The following TRIM34 variants were observed in gnomAD, a reference collection of about 807,000 sequenced individuals.
TRIM34 encodes the protein E3 ubiquitin-protein ligase TRIM34.
Under a neutral mutation model 38.1 loss-of-function variants are expected in TRIM34, and 41 were observed. That is an observed-to-expected ratio of 1.08 (90% confidence interval 0.84 to 1.40). TRIM34 has a LOEUF of 1.40. Among genes scored for constraint, TRIM34 ranks in the 40% most tolerant of loss-of-function variants. TRIM34 has a pLI of 0.00. For missense variants in TRIM34, 556 were observed against 571.4 expected (o/e 0.97, Z 0.27); for synonymous variants, 200 against 202.5 (o/e 0.99, Z 0.10).
chr11:5,623,105 CTTTTTTTT>C (rs11301714), upstream of TRIM34, among the ~76,000 whole-genome samples: 219 of 106,860 alleles, frequency 2.0e-3, 1 homozygote, highest in Middle Eastern at 5.0e-3. Flanking sequence ...CTGTCTGGAG[CTTTTTTTT>C]TTTTTTTTTT....
At chr11:5,636,304 A>T (rs1383342603) in intron 4 of TRIM34, among the ~76,000 whole-genome samples, 1 of 152,208 alleles carries the variant, frequency 6.6e-6, no homozygotes, top group East Asian at 1.9e-4. Context: ...ATTTATATGA[A>T]AGTCTGTAAG....
At chr11:5,627,765 G>T (rs1452236995) in intron 1 of TRIM34, among the ~76,000 whole-genome samples, 1 of 152,150 alleles carries the variant, frequency 6.6e-6, no homozygotes, top group Non-Finnish European at 1.5e-5. Context: ...GTCAAAACAG[G>T]CTCTACTTTC....
upstream of TRIM34, among the ~76,000 whole-genome samples, chr11:5,622,586 C>G (rs898270962): frequency 2.6e-5 from 4 of 152,100 alleles, no homozygotes; most frequent in African/African-American, 9.7e-5. Flanking sequence ...CCATTGCACT[C>G]CAGTCTGGGC....
Position 5,627,067 on chromosome 11 carries a change from A to G in TRIM34, c.-78+2007A>G, listed in dbSNP as rs569769193. ...TCTGTCTACTGATGTAAGAACAGAG[A>G]TGAGAGCAGAGTGAAGAAGGACAGT... is the stretch of plus-strand genomic sequence containing the variant. On this transcript the variant is annotated intron_variant, in intron 1 of 7. Coordinates refer to ENST00000429814, the MANE Select transcript of TRIM34 (RefSeq NM_021616.6). 2.0e-5 allele frequency among the ~76,000 whole-genome samples: 3 copies of G among 152,190 alleles called. No individual in the cohort carries two copies. The South Asian group carries it at 6.2e-4, about 32-fold the overall frequency.
chr11:5,643,395 C>CA lies in TRIM34; in HGVS notation c.1157dup (p.Asn386LysfsTer20). The CA allele has an allele frequency of 6.2e-7, 1 of 1,614,074 alleles. No homozygotes were observed. Among genetic ancestry groups the CA allele is most frequent in the Non-Finnish European group, 8.5e-7 (1 of 1,180,000 alleles). On this transcript the variant is annotated frameshift_variant, in exon 8 of 8. Transcript: ENST00000429814. LOFTEE classifies it low-confidence loss of function (END_TRUNC). ...TGTTGTTAGAAGATGTGCAAATCGT[C>CA]AAAATCTTTACACCAAATACAGACC...
intron 1 of TRIM34, among the ~76,000 whole-genome samples, chr11:5,632,011 A>C (rs1484980369): frequency 6.6e-6 from 1 of 152,198 alleles, no homozygotes; most frequent in East Asian, 1.9e-4. Context: ...GAGAAAGTTG[A>C]AAAAAGTATA....
Position 5,640,863 on chromosome 11 carries a change from A to G in TRIM34, c.751-304A>G, listed in dbSNP as rs192114685. 1.8e-3 allele frequency among the ~76,000 whole-genome samples: 270 copies of G among 152,200 alleles called. 1 individual carries two copies. Among genetic ancestry groups the G allele is most frequent in the African/African-American group, 6.3e-3 (263 of 41,534 alleles). On this transcript the variant is annotated intron_variant, in intron 4 of 7. Transcript: ENST00000429814. The stretch of plus-strand genomic sequence containing the variant: ...ATTCATATTTTCTATGCGTTCTTTA[A>G]TGTGTATTGATAGTTTCTGTATTTC...
At position 5,632,790 on chromosome 11, in the gene TRIM34, T is replaced by TG. The variant is rs1460780367; in HGVS notation, c.423+38dup. The TG allele has an allele frequency of 3.3e-6, 5 of 1,509,464 alleles. No homozygotes were observed. In the South Asian group the frequency reaches 6.7e-5, roughly 20 times the overall value. The allele number at this position is 1,509,464 out of a possible 1,614,324, so 93.5% of individuals were successfully genotyped here. A position where few individuals can be genotyped will look rare whatever the true frequency, so the allele number is the denominator to read the frequency against. Reference sequence around the variant, plus strand: ...AGATGGAGGGAGATGGGGCAGAAGATGGTAGTTGGTGGAAAATCTCACCTT... The same window carrying TG: ...AGATGGAGGGAGATGGGGCAGAAGATGGGTAGTTGGTGGAAAATCTCACCTT... On this transcript the variant is annotated intron_variant, in intron 2 of 7. Coordinates refer to ENST00000429814, the MANE Select transcript of TRIM34 (RefSeq NM_021616.6).
upstream of TRIM34, among the ~76,000 whole-genome samples, chr11:5,620,479 G>A (rs1382669975): frequency 1.4e-4 from 22 of 152,144 alleles, no homozygotes; most frequent in Admixed American, 1.3e-3. Context: ...GGGATTACAG[G>A]AGTGAGCCAC....
At chr11:5,635,873 A>T (rs982900116) in intron 4 of TRIM34, among the ~76,000 whole-genome samples, 1 of 152,230 alleles carries the variant, frequency 6.6e-6, no homozygotes, top group African/African-American at 2.4e-5. Context: ...TAATAAAAAA[A>T]GATGGACAAT....
At chr11:5,626,324 A>G (rs1242388629) in intron 1 of TRIM34, among the ~76,000 whole-genome samples, 1 of 152,264 alleles carries the variant, frequency 6.6e-6, no homozygotes, top group Non-Finnish European at 1.5e-5. Flanking sequence ...GATGAATGTT[A>G]GAGTACACAA....
Position 5,632,186 on chromosome 11 carries a change from T to TGA in TRIM34, c.-77-69_-77-68insGA, listed in dbSNP as rs1849508546. 4.1e-5 allele frequency: 62 copies of TGA among 1,516,618 alleles called. 1 individual carries two copies. The South Asian group carries it at 7.8e-4, about 19-fold the overall frequency. The allele number at this position is 1,516,618 out of a possible 1,614,324, so 93.9% of individuals were successfully genotyped here. A position where few individuals can be genotyped will look rare whatever the true frequency, so the allele number is the denominator to read the frequency against. On this transcript the variant is annotated intron_variant, in intron 1 of 7. Coordinates refer to ENST00000429814, the MANE Select transcript of TRIM34 (RefSeq NM_021616.6). ...TGATATTGCAGTCTCGGCCAGTCTT[T>TGA]ATTGTCTGTGCAATTAGAATGCTTT...
At position 5,644,035 on chromosome 11, in the gene TRIM34, C is replaced by G. The variant is rs1051193509; in HGVS notation, c.*326C>G. ...GCCTGTTAGCCACCATCCATGCTAC[C>G]TAGGTAGTCCATAGGAACCACCCCC... On this transcript the variant is annotated 3_prime_UTR_variant, in exon 8 of 8. Coordinates refer to ENST00000429814, the MANE Select transcript of TRIM34 (RefSeq NM_021616.6). 2 of 437,784 alleles carry G rather than the reference C, an allele frequency of 4.6e-6. No individual in the cohort carries two copies. The highest frequency in any genetic ancestry group is 7.9e-6 in the Non-Finnish European group (2 of 252,192). The allele number at this position is 437,784 out of a possible 1,614,324, so 27.1% of individuals were successfully genotyped here.
intron 1 of TRIM34, among the ~76,000 whole-genome samples, chr11:5,625,594 T>G (rs2133905703): frequency 6.6e-6 from 1 of 152,264 alleles, no homozygotes; most frequent in Non-Finnish European, 1.5e-5. Flanking sequence ...TGGCAACCAC[T>G]AAGGGGCTTT....
intron 1 of TRIM34, among the ~76,000 whole-genome samples, chr11:5,628,706 G>A (rs1252287817): frequency 2.0e-5 from 3 of 152,038 alleles, no homozygotes; most frequent in Non-Finnish European, 4.4e-5. Context: ...TCCTAGCACT[G>A]TTGTAACCAA....
chr11:5,638,846 T>C lies in TRIM34; in HGVS notation c.751-2321T>C, dbSNP rs1414919630. ...CAGACTTGGAAAAGAAGGGAGTTTATTTTTGCAACTGGTTACAGGGAGAAG... is the reference window on the plus strand; with the variant it reads ...CAGACTTGGAAAAGAAGGGAGTTTACTTTTGCAACTGGTTACAGGGAGAAG... On this transcript the variant is annotated intron_variant, in intron 4 of 7. Coordinates refer to ENST00000429814, the MANE Select transcript of TRIM34 (RefSeq NM_021616.6). Among the ~76,000 whole-genome samples, 4 of 152,202 alleles carry C rather than the reference T, an allele frequency of 2.6e-5. No homozygotes were observed. The South Asian group carries it at 6.2e-4, about 24-fold the overall frequency.
intron 1 of TRIM34, among the ~76,000 whole-genome samples, chr11:5,627,666 C>T (rs1590157013): frequency 1.3e-5 from 2 of 152,112 alleles, no homozygotes; most frequent in South Asian, 4.2e-4. Context: ...GGGCCCTGGA[C>T]TCTAAGGAGT....
intron 4 of TRIM34, among the ~76,000 whole-genome samples, chr11:5,639,671 C>T (rs919013897): frequency 3.7e-5 from 3 of 81,448 alleles, no homozygotes; most frequent in Non-Finnish European, 6.5e-5. Flanking sequence ...CAGAGTGAGA[C>T]TCTATTTCAA....
intron 1 of TRIM34, among the ~76,000 whole-genome samples, chr11:5,631,921 A>G (rs1849498358): frequency 2.0e-5 from 3 of 152,178 alleles, no homozygotes; most frequent in Admixed American, 2.0e-4. Context: ...AAGATGGCAA[A>G]TGTACACTGA....
Sources: gnomAD v4.1 joint callset for allele counts (sites outside exome capture counted in the v4.1 genomes callset) on GRCh38, gnomAD v4.1.1 for gene constraint, MANE v1.5 for transcripts, NCBI Gene and HGNC (gene_info 2026-07-23, HGNC 2026-07-21) for gene names.